The following CCDC169 variants were observed in gnomAD, a reference collection of about 807,000 sequenced individuals.
CCDC169 encodes the protein coiled-coil domain containing 169.
CCDC169 carries 30 observed loss-of-function variants against 36.0 expected under a neutral mutation model. The ratio of observed to expected loss-of-function variants is 0.83; its 90% CI spans 0.62 to 1.13. The LOEUF (loss-of-function observed/expected upper bound fraction) is 1.13. Ranked by LOEUF, CCDC169 falls within the 50% of genes most tolerant of loss-of-function variation. The pLI, the probability that CCDC169 is intolerant of heterozygous loss-of-function variation, is 0.00. For synonymous variants in CCDC169, 85 were observed against 81.5 expected (o/e 1.04, Z -0.23); for missense variants, 245 against 245.9 (o/e 1.00, Z 0.03).
chr13:36,297,756 A>G lies in CCDC169; in HGVS notation c.-37T>C, dbSNP rs1212238031. On this transcript the variant is annotated 5_prime_UTR_variant, in exon 1 of 8. The change abolishes the stop of an existing upstream ORF in the 5' untranslated region. Coordinates refer to ENST00000239859, the MANE Select transcript of CCDC169 (RefSeq NM_001144981.3). ...AGAGACCTCCCGCGTCTTTCCCCTC[A>G]GCACCTTAGAGCACAAGACATTAAG... 3 of 1,536,638 alleles carry G rather than the reference A, an allele frequency of 2.0e-6. No individual in the cohort carries two copies. The highest frequency in any genetic ancestry group is 8.8e-7 in the Non-Finnish European group (1 of 1,136,326).
At chr13:36,252,830 A>G (rs565528822) in intron 6 of CCDC169, among the ~76,000 whole-genome samples, 11 of 152,332 alleles carry the variant, frequency 7.2e-5, no homozygotes, top group African/African-American at 2.6e-4. Context: ...CACATTGAAA[A>G]CTGAGTTTAC....
chr13:36,248,729 T>C, intron 6 of CCDC169, 47 bp from the exon 7 acceptor site: 3 of 1,498,546 alleles, frequency 2.0e-6, no homozygotes, highest in Non-Finnish European at 2.7e-6. Flanking sequence ...TCATAATTGA[T>C]TTCAGAAATA....
In CCDC169 at chr13:36,297,543, T is replaced by C. The variant is rs1879677433; in HGVS notation, c.83+94A>G. The C allele has an allele frequency of 3.9e-6, 5 of 1,277,866 alleles. No individual in the cohort carries two copies. The East Asian group carries it at 1.3e-4, about 32-fold the overall frequency. 79.2% of individuals were successfully genotyped at this position (1,277,866 alleles called of 1,614,324 possible). A position where few individuals can be genotyped will look rare whatever the true frequency, so the allele number is the denominator to read the frequency against. Reference sequence around the variant, plus strand: ...CAGGGGTTAATCACGGCGCCGGTCTTACAGCACCCTCAGCGGCTTCAGCCC... The same window carrying C: ...CAGGGGTTAATCACGGCGCCGGTCTCACAGCACCCTCAGCGGCTTCAGCCC... On this transcript the variant is annotated intron_variant, in intron 1 of 7. Coordinates refer to ENST00000239859, the MANE Select transcript of CCDC169 (RefSeq NM_001144981.3).
At chr13:36,262,704 T>C (rs1012097130) in intron 4 of CCDC169, among the ~76,000 whole-genome samples, 2 of 152,140 alleles carry the variant, frequency 1.3e-5, no homozygotes, top group Non-Finnish European at 2.9e-5. Context: ...CTAGGAAGTA[T>C]GTTCTGGGCT....
At chr13:36,233,818 T>C (rs1448625090) in intron 7 of CCDC169, among the ~76,000 whole-genome samples, 1 of 152,226 alleles carries the variant, frequency 6.6e-6, no homozygotes. Flanking sequence ...AAAATATATT[T>C]CTTTGACATA....
chr13:36,260,342 G>A (rs529008627), intron 4 of CCDC169, among the ~76,000 whole-genome samples: 2 of 152,252 alleles, frequency 1.3e-5, no homozygotes, highest in East Asian at 3.9e-4. Context: ...ACTCTCAGTC[G>A]ATTTTTACTT....
chr13:36,246,304 A>C (rs1566064538), intron 7 of CCDC169, among the ~76,000 whole-genome samples: 1 of 152,238 alleles, frequency 6.6e-6, no homozygotes, highest in South Asian at 2.1e-4. Context: ...CCAAGGCATA[A>C]ATGCAAAGGG....
At chr13:36,293,204 C>T (rs1368806389) in intron 2 of CCDC169, among the ~76,000 whole-genome samples, 4 of 152,094 alleles carry the variant, frequency 2.6e-5, no homozygotes, top group Non-Finnish European at 5.9e-5. Context: ...TTTAAAACAC[C>T]TTTAATATTG....
At chr13:36,222,890 G>C (rs1869686800), downstream of CCDC169, 1 of 152,038 alleles carries the variant, frequency 6.6e-6, no homozygotes. Flanking sequence ...CATAAATACA[G>C]TGACAGAAGA....
At chr13:36,227,510 A>AG, downstream of CCDC169, 2 of 356,392 alleles carry the variant, frequency 5.6e-6, no homozygotes, top group Non-Finnish European at 8.0e-6. Context: ...AAATAAATAA[A>AG]TAAATAAAAG....
intron 2 of CCDC169, among the ~76,000 whole-genome samples, chr13:36,293,132 A>C (rs904023875): frequency 6.6e-6 from 1 of 152,192 alleles, no homozygotes; most frequent in African/African-American, 2.4e-5. Context: ...TGAAAAAATT[A>C]TCTGAACAGT....
chr13:36,289,639 C>A (rs1012155462), intron 2 of CCDC169, among the ~76,000 whole-genome samples: 5 of 152,088 alleles, frequency 3.3e-5, no homozygotes, highest in African/African-American at 4.8e-5. Flanking sequence ...TGGTAACTGG[C>A]GTAAGAAACA....
At chr13:36,255,769 A>T (rs748986) in intron 4 of CCDC169, among the ~76,000 whole-genome samples, 61,588 of 151,750 alleles carry the variant, frequency 0.41, 13,265 homozygotes, top group Non-Finnish European at 0.48. Context: ...CTTCTCCAAC[A>T]TCCCCTCAGG....
intron 4 of CCDC169, among the ~76,000 whole-genome samples, chr13:36,263,360 A>T (rs780324505): frequency 1.3e-5 from 2 of 152,204 alleles, no homozygotes; most frequent in Admixed American, 6.5e-5. Flanking sequence ...ATTGGTCATG[A>T]TCTAGGTCAC....
At chr13:36,248,883 C>A (rs1566066125) in intron 6 of CCDC169, among the ~76,000 whole-genome samples, 1 of 141,484 alleles carries the variant, frequency 7.1e-6, no homozygotes, top group South Asian at 2.3e-4. Flanking sequence ...CCTATCTCAG[C>A]CCCACAGTCC....
intron 4 of CCDC169, among the ~76,000 whole-genome samples, chr13:36,256,551 A>AT (rs5802816): frequency 0.41 from 61,565 of 151,988 alleles, 13,247 homozygotes; most frequent in Non-Finnish European, 0.48. Context: ...ACATGTGGGA[A>AT]TATTACAATT....
At chr13:36,232,723 A>T (rs184616520) in intron 7 of CCDC169, among the ~76,000 whole-genome samples, 6 of 65,312 alleles carry the variant, frequency 9.2e-5, no homozygotes, top group African/African-American at 2.1e-4. Flanking sequence ...TCAAAAAAAA[A>T]AAAGAATACA....
intron 4 of CCDC169, among the ~76,000 whole-genome samples, chr13:36,269,836 T>C (rs565901348): frequency 8.5e-5 from 13 of 152,112 alleles, no homozygotes; most frequent in Admixed American, 6.6e-4. Context: ...CGGGGAGAAG[T>C]TGAAAGCATT....
At chr13:36,241,939 G>A (rs967014041) in intron 7 of CCDC169, among the ~76,000 whole-genome samples, 3 of 152,044 alleles carry the variant, frequency 2.0e-5, no homozygotes, top group African/African-American at 7.3e-5. Context: ...GTGATAGTGG[G>A]TTCTCACGAA....
Sources: gnomAD v4.1 joint callset for allele counts (sites outside exome capture counted in the v4.1 genomes callset) on GRCh38, gnomAD v4.1.1 for gene constraint, MANE v1.5 for transcripts, NCBI Gene and HGNC (gene_info 2026-07-23, HGNC 2026-07-21) for gene names.